The following MYO15A variants were observed in gnomAD, a reference collection of about 807,000 sequenced individuals.
MYO15A encodes the protein unconventional myosin-XV.
A neutral mutation model predicts 394.6 loss-of-function variants in MYO15A; 308 were observed. The observed-to-expected ratio is 0.78, with a 90% CI of 0.71 to 0.86. The LOEUF (loss-of-function observed/expected upper bound fraction) is 0.86. MYO15A is among the 40% of genes least tolerant of loss of function. The pLI is 0.00. For synonymous variants in MYO15A, 1,957 were observed against 2,003.8 expected, an observed-to-expected ratio of 0.98 and a Z score of 0.62; for missense variants, 4,606 against 4,799.1, an observed-to-expected ratio of 0.96 and a Z score of 1.19.
chr17:18,121,694 T>C lies in MYO15A; in HGVS notation c.2894T>C (p.Leu965Pro), dbSNP rs1424190527. Residue 965 changes from leucine (L) to proline (P), a missense_variant, in exon 2 of 66, where the codon CTC (leucine) becomes CCC (proline). This residue lies in a region of MYO15A where 1,830 missense variants were observed against 1,689.7 expected (regional missense o/e 1.08). Coordinates refer to ENST00000647165, the MANE Select transcript of MYO15A (RefSeq NM_016239.4). This position sits in a 1 kb window ranked among gnomAD's most constrained non-coding sequence, Gnocchi z 5.3. Reference protein sequence around the residue: ...RPPPVPENPFLQLLGPVPSPT... With the variant: ...RPPPVPENPFPQLLGPVPSPT... ...CCCCCTGTGCCGGAAAACCCCTTTC[T>C]CCAGCTCCTGGGCCCTGTGCCATCC... is the stretch of plus-strand genomic sequence containing the variant. 20 of 1,602,724 alleles carry C rather than the reference T, an allele frequency of 1.2e-5. No homozygotes were observed. Among genetic ancestry groups the C allele is most frequent in the Non-Finnish European group, 1.5e-5 (18 of 1,174,604 alleles).
chr17:18,158,739 T>C (rs768085087), intron 52 of MYO15A, 101 bp downstream of exon 52: 69 of 1,475,880 alleles, frequency 4.7e-5, no homozygotes, highest in Non-Finnish European at 6.2e-5. Context: ...CCACTTCTGG[T>C]GGGAGAGATG....
rs854774 is a variant in MYO15A, at chr17:18,148,661, T to C, written c.6764+93T>C. 1,134,803 of 1,545,224 alleles carry C rather than the reference T, an allele frequency of 0.73. 419,241 individuals carry two copies. Among genetic ancestry groups the C allele is most frequent in the African/African-American group, 0.8 (58,672 of 72,952 alleles). On this transcript the variant is annotated intron_variant, in intron 32 of 65. Coordinates refer to ENST00000647165, the MANE Select transcript of MYO15A (RefSeq NM_016239.4). The surrounding 1 kb of genome is among the most constrained non-coding windows in gnomAD (Gnocchi z 4.8). Reference sequence around the variant, plus strand: ...CCCCCAGAGGGTCCCATAGGGTCCATTCTGTTCATGTTTAGGGTCTGGCTT... The same window carrying C: ...CCCCCAGAGGGTCCCATAGGGTCCACTCTGTTCATGTTTAGGGTCTGGCTT...
chr17:18,155,470 G>A (rs1487301350), intron 47 of MYO15A, 38 bp downstream of exon 47: 2 of 1,556,646 alleles, frequency 1.3e-6, no homozygotes, highest in Admixed American at 1.7e-5. Context: ...GCTGGAGACT[G>A]GGATACAGAC....
chr17:18,138,693 T>G, intron 17 of MYO15A, 118 bp from the exon 18 acceptor site: 22 of 1,394,218 alleles, frequency 1.6e-5, no homozygotes, highest in Non-Finnish European at 2.1e-5. Flanking sequence ...TGGGAAGCTG[T>G]GAGTTGTTCC....
Position 18,145,945 on chromosome 17 carries a change from A to AG in MYO15A, c.6351dup (p.Leu2118AlafsTer5). The stretch of plus-strand genomic sequence containing the variant: ...ATCTTCGGGAACTACATCGTGCAGA[A>AG]GGGGCTGGCGGTGCCTGAGCTGCGG... On this transcript the variant is annotated frameshift_variant, in exon 30 of 66. Coordinates refer to ENST00000647165, the MANE Select transcript of MYO15A (RefSeq NM_016239.4). LOFTEE classifies it high-confidence loss of function. 6.2e-7 allele frequency: 1 copy of AG among 1,613,788 alleles called. No homozygotes were observed. The highest frequency in any genetic ancestry group is 1.3e-5 in the African/African-American group (1 of 75,018).
At chr17:18,177,992 C>T (rs1244426657) in intron 65 of MYO15A, 2 of 153,586 alleles carry the variant, frequency 1.3e-5, no homozygotes, top group Non-Finnish European at 2.9e-5. Flanking sequence ...CCATTGTGCA[C>T]TGTGGGAGCC....
At position 18,119,557 on chromosome 17, in the gene MYO15A, C is replaced by A. The variant is rs1417927105; in HGVS notation, c.757C>A (p.Arg253Ser). ...DDYYDRQSLH[R>S]YEEQEPYLAG... is the part of the protein sequence containing the mutation. The stretch of plus-strand genomic sequence containing the variant: ...CTACTACGACCGGCAGTCACTCCAC[C>A]GCTACGAGGAGCAGGAACCCTACCT... The change falls in exon 2 of 66, where the codon CGC becomes AGC. Residue 253 changes from arginine to serine, a missense_variant. This residue lies in a region of MYO15A where 1,830 missense variants were observed against 1,689.7 expected (regional missense o/e 1.08). Coordinates refer to ENST00000647165, the MANE Select transcript of MYO15A (RefSeq NM_016239.4). The A allele has an allele frequency of 1.2e-6, 2 of 1,607,480 alleles. No individual in the cohort carries two copies. The highest frequency in any genetic ancestry group is 2.2e-5 in the South Asian group (2 of 91,086).
Position 18,133,391 on chromosome 17 carries a change from G to A in MYO15A, c.4482+5G>A, listed in dbSNP as rs1473445945. 6.2e-7 allele frequency: 1 copy of A among 1,613,914 alleles called. No individual in the cohort carries two copies. Among genetic ancestry groups the A allele is most frequent in the Non-Finnish European group, 8.5e-7 (1 of 1,179,838 alleles). The stretch of plus-strand genomic sequence containing the variant: ...GTCTACTTTGAGAAGTATGAGGTGA[G>A]GGGACGCCACAGCCTGCCATGGGGC... On this transcript the variant is annotated splice_donor_5th_base_variant and intron_variant, in intron 12 of 65. Transcript: ENST00000647165.
chr17:18,141,809 G>GT (rs1190483697), intron 23 of MYO15A, 39 bp downstream of exon 23: 2 of 1,592,144 alleles, frequency 1.3e-6, no homozygotes, highest in Non-Finnish European at 1.7e-6. Flanking sequence ...GAGACCCCAA[G>GT]TTTGGGGGGG....
intron 1 of MYO15A, among the ~76,000 whole-genome samples, chr17:18,110,746 T>C (rs1186057322): frequency 1.3e-5 from 2 of 152,228 alleles, no homozygotes; most frequent in Admixed American, 1.3e-4. Context: ...TTCACGGCCA[T>C]TGGGCTAGTC....
In MYO15A at chr17:18,140,545, C is replaced by T. The variant is rs1419202768; in HGVS notation, c.5240C>T (p.Ala1747Val). ...RVVAHLFSSHAPQAAPQRLGK... is the reference protein window; with the variant it reads ...RVVAHLFSSHVPQAAPQRLGK... ...GTGGCACACCTCTTCTCCAGCCATGCCCCACAGGCTGCCCCTCAGCGCCTG... is the reference window on the plus strand; with the variant it reads ...GTGGCACACCTCTTCTCCAGCCATGTCCCACAGGCTGCCCCTCAGCGCCTG... The change falls in exon 20 of 66, where the codon GCC (alanine) becomes GTC (valine). Residue 1747 changes from alanine (A) to valine (V), a missense_variant. Transcript: ENST00000647165. The T allele has an allele frequency of 6.2e-7, 1 of 1,613,698 alleles. No individual in the cohort carries two copies. The highest frequency in any genetic ancestry group is 1.1e-5 in the South Asian group (1 of 91,084).
rs1487410003 is a variant in MYO15A, at chr17:18,143,792, G to A, written c.6042G>A (p.Val2014=). The change falls in exon 27 of 66, where the codon GTG becomes GTA. Residue 2014 remains valine, a synonymous_variant. Transcript: ENST00000647165. ...AGCTGGCTGGGCTCTTGCAAGCAGT[G>A]GCAGGTGGGTCAGCACCAGGCGGGG... ...PAELAGLLQA[V]AGLGLAQVPQ... 2 of 1,583,716 alleles carry A rather than the reference G, an allele frequency of 1.3e-6. No individual in the cohort carries two copies. Among genetic ancestry groups the A allele is most frequent in the African/African-American group, 1.3e-5 (1 of 74,406 alleles).
chr17:18,130,036 C>T (rs1318370767), intron 7 of MYO15A, among the ~76,000 whole-genome samples: 4 of 152,242 alleles, frequency 2.6e-5, no homozygotes, highest in Non-Finnish European at 4.4e-5. Context: ...CCCACGACCA[C>T]GCCCGGCTAA....
rs751366010 is a variant in MYO15A, at chr17:18,118,833, C to T, written c.33C>T (p.Ala11=). ...AGGAGGAAGATGAGGAGAAGAAAGC[C>T]AAGAAAGGGAAGAAGGGGAAGAAGG... MAKEEDEEKK[A]KKGKKGKKAP... The change falls in exon 2 of 66, where the codon GCC becomes GCT. Residue 11 remains alanine, a synonymous_variant. Coordinates refer to ENST00000647165, the MANE Select transcript of MYO15A (RefSeq NM_016239.4). The T allele has an allele frequency of 1.2e-6, 2 of 1,610,520 alleles. No individual in the cohort carries two copies. The highest frequency in any genetic ancestry group is 1.3e-5 in the African/African-American group (1 of 74,874).
Position 18,118,754 on chromosome 17 carries a change from G to A in MYO15A, c.-47G>A, listed in dbSNP as rs1468928114. 1.2e-6 allele frequency: 2 copies of A among 1,607,262 alleles called. No individual in the cohort carries two copies. Among genetic ancestry groups the A allele is most frequent in the Non-Finnish European group, 1.7e-6 (2 of 1,177,838 alleles). On this transcript the variant is annotated 5_prime_UTR_variant, in exon 2 of 66. It removes the in-frame stop codon of an upstream open reading frame in the 5' UTR. Transcript: ENST00000647165. ...CAGGTCCCTGTGTCTCCAAGTCCCT[G>A]AGCCCGTGACACCGGCCCCAGGCCC...
intron 15 of MYO15A, among the ~76,000 whole-genome samples, chr17:18,136,934 G>T (rs753360491): frequency 4.6e-5 from 7 of 152,258 alleles, no homozygotes; most frequent in Non-Finnish European, 8.8e-5. Context: ...ACCAGCCAGG[G>T]CCCTGCCCTT....
At position 18,118,733 on chromosome 17, in the gene MYO15A, T is replaced by A; in HGVS notation, c.-68T>A. On this transcript the variant is annotated 5_prime_UTR_variant, in exon 2 of 66. Transcript: ENST00000647165. The stretch of plus-strand genomic sequence containing the variant: ...AGCCGCGGGCAAGAGACAGAGCAGG[T>A]CCCTGTGTCTCCAAGTCCCTGAGCC... 1 of 1,603,736 alleles carries A rather than the reference T, an allele frequency of 6.2e-7. No homozygotes were observed. Among genetic ancestry groups the A allele is most frequent in the Non-Finnish European group, 8.5e-7 (1 of 1,176,668 alleles).
At chr17:18,143,545 C>T (rs898069217) in intron 25 of MYO15A, 21 bp from the exon 26 acceptor site, 50 of 1,552,014 alleles carry the variant, frequency 3.2e-5, no homozygotes, top group Non-Finnish European at 4.4e-5. Flanking sequence ...ACTCCCCAAC[C>T]TGACATCTTC....
Position 18,150,940 on chromosome 17 carries a change from G to A in MYO15A, c.7473+27G>A. 2.5e-6 allele frequency: 4 copies of A among 1,609,182 alleles called. No homozygotes were observed. Among genetic ancestry groups the A allele is most frequent in the Non-Finnish European group, 3.4e-6 (4 of 1,178,598 alleles). On this transcript the variant is annotated intron_variant, in intron 38 of 65. Coordinates refer to ENST00000647165, the MANE Select transcript of MYO15A (RefSeq NM_016239.4). This position sits in a 1 kb window ranked among gnomAD's most constrained non-coding sequence, Gnocchi z 4.4. The stretch of plus-strand genomic sequence containing the variant: ...TGAGCCTGGCCTGCCCAGGGTGCAG[G>A]GGTTGCTTGGAGACACAAGCTGTAA...
Sources: allele counts gnomAD v4.1 joint callset (sites outside exome capture counted in the v4.1 genomes callset), GRCh38; gene constraint gnomAD v4.1.1; regional missense constraint gnomAD v4.1.1; non-coding constraint Gnocchi (gnomAD v3.1); transcripts MANE v1.5; gene names NCBI Gene and HGNC (gene_info 2026-07-23, HGNC 2026-07-21).